Variants in HS1BP3 observed in about 807,000 individuals in gnomAD.
HS1BP3 encodes HCLS1 binding protein 3.
A neutral mutation model predicts 33.5 loss-of-function variants in HS1BP3; 32 were observed. The ratio of observed to expected loss-of-function variants is 0.95; its 90% CI spans 0.72 to 1.28. The LOEUF (loss-of-function observed/expected upper bound fraction) is 1.28. Among genes scored for constraint, HS1BP3 ranks in the 50% most tolerant of loss-of-function variants. The probability of loss-of-function intolerance (pLI) is 0.00; values close to 1 mark genes in which losing one functional copy is unlikely to be tolerated. For synonymous variants in HS1BP3, 187 were observed against 209.2 expected, an observed-to-expected ratio of 0.89 and a Z score of 0.92; for missense variants, 486 against 502.3, an observed-to-expected ratio of 0.97 and a Z score of 0.31.
intron 2 of HS1BP3, among the ~76,000 whole-genome samples, chr2:20,644,466 G>C (rs1033984994): frequency 6.6e-6 from 1 of 152,108 alleles, no homozygotes; most frequent in African/African-American, 2.4e-5. Flanking sequence ...AGCTCGTCCC[G>C]AGCTCCAGCC....
chr2:20,618,677 C>T lies in HS1BP3; in HGVS notation c.*310G>A, dbSNP rs1017403142. The T allele has an allele frequency of 2.6e-5, 32 of 1,210,658 alleles. No individual in the cohort carries two copies. Among genetic ancestry groups the T allele is most frequent in the Non-Finnish European group, 3.3e-5 (32 of 968,708 alleles). The allele number at this position is 1,210,658 out of a possible 1,614,324, so 75.0% of individuals were successfully genotyped here. The stretch of plus-strand genomic sequence containing the variant: ...CGCTACGGCCCCACATGTCTTGCTT[C>T]ATCCTTGGGGCTGGGCTTCTGGTTG... On this transcript the variant is annotated 3_prime_UTR_variant, in exon 7 of 7. Transcript: ENST00000304031.
downstream of HS1BP3, among the ~76,000 whole-genome samples, chr2:20,556,856 C>T (rs1033837285): frequency 1.3e-5 from 2 of 152,210 alleles, no homozygotes; most frequent in South Asian, 4.1e-4. Flanking sequence ...ACACACTCTT[C>T]TTTTCCATGT....
In HS1BP3 at chr2:20,632,080, A is replaced by T. The variant is rs866030975; in HGVS notation, c.623+6356T>A. On this transcript the variant is annotated intron_variant, in intron 4 of 6. Coordinates refer to ENST00000304031, the MANE Select transcript of HS1BP3 (RefSeq NM_022460.4). ...GCCAAACATGCCCCACTTCCTGCTCACAGAGGACAAAGGATGCCCCACTTC... is the reference window on the plus strand; with the variant it reads ...GCCAAACATGCCCCACTTCCTGCTCTCAGAGGACAAAGGATGCCCCACTTC... Among the ~76,000 whole-genome samples the T allele has an allele frequency of 2.0e-5, 3 of 152,318 alleles. No individual in the cohort carries two copies. In the Middle Eastern group the frequency reaches 0.01, roughly 518 times the overall value.
intron 5 of HS1BP3, among the ~76,000 whole-genome samples, chr2:20,576,774 T>C (rs1038958166): frequency 2.0e-5 from 3 of 152,220 alleles, no homozygotes; most frequent in Non-Finnish European, 4.4e-5. Flanking sequence ...GTCTACACTA[T>C]TTCTTGGGTC....
Position 20,640,953 on chromosome 2 carries a change from T to A in HS1BP3, c.406+20A>T. ...CTGGGCCGGGGAGACCTGAGGGACA[T>A]GGGGCAGAGCCTTGGGTACCTAAGA... On this transcript the variant is annotated intron_variant, in intron 3 of 6. Coordinates refer to ENST00000304031, the MANE Select transcript of HS1BP3 (RefSeq NM_022460.4). 1 of 1,612,860 alleles carries A rather than the reference T, an allele frequency of 6.2e-7. No individual in the cohort carries two copies. The highest frequency in any genetic ancestry group is 8.5e-7 in the Non-Finnish European group (1 of 1,178,876).
chr2:20,622,791 G>T, intron 6 of HS1BP3: 1 of 169,194 alleles, frequency 5.9e-6, no homozygotes, highest in Non-Finnish European at 1.3e-5. Context: ...AACAATCCTG[G>T]TTTCTTCCAG....
intron 6 of HS1BP3, among the ~76,000 whole-genome samples, chr2:20,620,403 G>A (rs1694559792): frequency 6.6e-6 from 1 of 152,222 alleles, no homozygotes; most frequent in South Asian, 2.1e-4. Flanking sequence ...GTCACGGCGA[G>A]GTTTTCCCTT....
chr2:20,577,961 C>T (rs1437295548), intron 5 of HS1BP3, among the ~76,000 whole-genome samples: 1 of 152,252 alleles, frequency 6.6e-6, no homozygotes, highest in African/African-American at 2.4e-5. Context: ...TCCAGTGTGA[C>T]TTCAACCCCC....
At chr2:20,602,387 C>T (rs1261993591) in intron 2 of HS1BP3, among the ~76,000 whole-genome samples, 1 of 151,878 alleles carries the variant, frequency 6.6e-6, no homozygotes, top group Non-Finnish European at 1.5e-5. Flanking sequence ...ACGGAATTTA[C>T]TTTTGGTTTC....
Position 20,638,552 on chromosome 2 carries a change from A to G in HS1BP3, c.507T>C (p.Phe169=). The change falls in exon 4 of 7, where the codon TTT becomes TTC. Residue 169 remains phenylalanine (F), a synonymous_variant. Coordinates refer to ENST00000304031, the MANE Select transcript of HS1BP3 (RefSeq NM_022460.4). ...QTGNDEEAFD[F]FEEQDQVAEE... is the part of the protein sequence containing the mutation. ...CTGCCACTTGGTCTTGCTCCTCAAAAAAGTCGAAAGCCTCTTCATCATTCC... is the reference window on the plus strand; with the variant it reads ...CTGCCACTTGGTCTTGCTCCTCAAAGAAGTCGAAAGCCTCTTCATCATTCC... 6.2e-7 allele frequency: 1 copy of G among 1,614,204 alleles called. No homozygotes were observed. The highest frequency in any genetic ancestry group is 8.5e-7 in the Non-Finnish European group (1 of 1,180,032).
At chr2:20,610,091 A>T (rs536851688) in intron 2 of HS1BP3, among the ~76,000 whole-genome samples, 3 of 152,234 alleles carry the variant, frequency 2.0e-5, no homozygotes, top group Admixed American at 2.0e-4. Context: ...TCACAGCACA[A>T]TTGAACAGAG....
chr2:20,587,205 C>T (rs769944398), intron 5 of HS1BP3, among the ~76,000 whole-genome samples: 28 of 152,126 alleles, frequency 1.8e-4, no homozygotes, highest in Admixed American at 3.3e-4. Flanking sequence ...TATGTCTGTA[C>T]GATCATAGGA....
At chr2:20,632,569 T>C (rs929795895) in intron 4 of HS1BP3, among the ~76,000 whole-genome samples, 5 of 152,254 alleles carry the variant, frequency 3.3e-5, no homozygotes, top group Non-Finnish European at 7.3e-5. Flanking sequence ...CAACAGAGCC[T>C]GGATCTGATC....
chr2:20,612,615 G>A (rs1216459984), intron 2 of HS1BP3, among the ~76,000 whole-genome samples: 2 of 152,136 alleles, frequency 1.3e-5, no homozygotes, highest in African/African-American at 2.4e-5. Context: ...TGTATTTGAG[G>A]TAGATCCATA....
chr2:20,616,826 A>G (rs1014940409), downstream of HS1BP3, among the ~76,000 whole-genome samples: 6 of 152,238 alleles, frequency 3.9e-5, no homozygotes, highest in East Asian at 1.2e-3. Flanking sequence ...TCACTAACAC[A>G]GGCTGGAATG....
intron 2 of HS1BP3, among the ~76,000 whole-genome samples, chr2:20,642,950 C>A (rs1398356977): frequency 1.3e-5 from 2 of 152,352 alleles, no homozygotes; most frequent in Middle Eastern, 3.4e-3. Flanking sequence ...CACTGCGGTG[C>A]CCCCTCCTGC....
At chr2:20,583,782 T>C (rs1693616450) in intron 5 of HS1BP3, among the ~76,000 whole-genome samples, 1 of 152,180 alleles carries the variant, frequency 6.6e-6, no homozygotes, top group Non-Finnish European at 1.5e-5. Flanking sequence ...TCATGACACC[T>C]GGGGCTCGGT....
At chr2:20,612,292 A>C (rs1021018286) in intron 2 of HS1BP3, among the ~76,000 whole-genome samples, 1 of 152,198 alleles carries the variant, frequency 6.6e-6, no homozygotes, top group African/African-American at 2.4e-5. Context: ...TTCTTTTTCC[A>C]ATCATTAAAT....
chr2:20,570,196 T>A (rs1693233261), intron 5 of HS1BP3, among the ~76,000 whole-genome samples: 1 of 152,144 alleles, frequency 6.6e-6, no homozygotes, highest in South Asian at 2.1e-4. Flanking sequence ...TTTTTCCCCC[T>A]TCTTTTAGGC....
Sources: allele counts gnomAD v4.1 joint callset (sites outside exome capture counted in the v4.1 genomes callset), GRCh38; gene constraint gnomAD v4.1.1; transcripts MANE v1.5; gene names NCBI Gene and HGNC (gene_info 2026-07-23, HGNC 2026-07-21).